MRPL39: variants seen among roughly 807,000 people sequenced by gnomAD.
The protein encoded by MRPL39 is mitochondrial ribosomal protein L39.
MRPL39 carries 35 observed loss-of-function variants against 44.5 expected under a neutral mutation model. That is an observed-to-expected ratio of 0.79 (90% confidence interval 0.60 to 1.04). The LOEUF (loss-of-function observed/expected upper bound fraction) is 1.04. MRPL39 is among the 50% of genes least tolerant of loss of function. The probability of loss-of-function intolerance (pLI) is 0.00; values close to 1 mark genes in which losing one functional copy is unlikely to be tolerated. For missense variants in MRPL39, 433 were observed against 413.5 expected, an observed-to-expected ratio of 1.05 and a Z score of -0.41; for synonymous variants, 139 against 136.1, an observed-to-expected ratio of 1.02 and a Z score of -0.15.
Position 25,588,800 on chromosome 21 carries a change from T to C in MRPL39, c.969+35A>G, listed in dbSNP as rs775223753. ...TGGTTAATTTTGATGAATTTCTTTA[T>C]AGAAGAGTACTCAATAGCTGTCAAA... On this transcript the variant is annotated intron_variant, in intron 9 of 9. Coordinates refer to ENST00000352957, the MANE Select transcript of MRPL39 (RefSeq NM_017446.4). The C allele has an allele frequency of 2.6e-6, 4 of 1,565,024 alleles. No individual in the cohort carries two copies. The East Asian group carries it at 9.0e-5, about 35-fold the overall frequency.
At chr21:25,593,025 A>G (rs1025090633) in intron 7 of MRPL39, 60 bp from the exon 8 acceptor site, 2 of 1,411,226 alleles carry the variant, frequency 1.4e-6, no homozygotes, top group South Asian at 2.8e-5. Flanking sequence ...TAAGAGCTTG[A>G]AAAAGAAATC....
At chr21:25,607,614 G>T, upstream of MRPL39, 2 of 820,016 alleles carry the variant, frequency 2.4e-6, no homozygotes, top group Non-Finnish European at 3.8e-6. Flanking sequence ...GGGGCGTCAG[G>T]CCTCGCTGGG....
intron 4 of MRPL39, 63 bp downstream of exon 4, chr21:25,601,305 C>T (rs991444214): frequency 1.8e-5 from 19 of 1,060,236 alleles, no homozygotes; most frequent in South Asian, 3.0e-5. Flanking sequence ...AAACTCTATA[C>T]GTCATCAAAA....
intron 4 of MRPL39, 85 bp from the exon 5 acceptor site, chr21:25,599,951 A>G: frequency 9.8e-7 from 1 of 1,019,590 alleles, no homozygotes; most frequent in South Asian, 1.3e-5. Flanking sequence ...TATTTAGACC[A>G]TAAAAAGGAT....
At chr21:25,602,034 C>T (rs1323457797) in intron 3 of MRPL39, among the ~76,000 whole-genome samples, 2 of 152,162 alleles carry the variant, frequency 1.3e-5, no homozygotes, top group Non-Finnish European at 2.9e-5. Flanking sequence ...TGATCAGTCA[C>T]AAGGAGAAAC....
chr21:25,595,635 C>G (rs145862336), intron 6 of MRPL39, among the ~76,000 whole-genome samples: 1 of 152,248 alleles, frequency 6.6e-6, no homozygotes, highest in African/African-American at 2.4e-5. Flanking sequence ...AAACACATAC[C>G]AGGTTCTGAA....
rs1336149679 is a variant in MRPL39, at chr21:25,606,549, G to C, written c.180C>G (p.Pro60=). The C allele has an allele frequency of 6.2e-7, 1 of 1,613,712 alleles. No homozygotes were observed. Among genetic ancestry groups the C allele is most frequent in the Non-Finnish European group, 8.5e-7 (1 of 1,179,772 alleles). Residue 60 remains proline (P), a synonymous_variant, in exon 2 of 10, where the codon CCC becomes CCG. Coordinates refer to ENST00000352957, the MANE Select transcript of MRPL39 (RefSeq NM_017446.4). ...GCTTAACTTCTATCTTCTCAGTTCGGGGAGTTAATGATAACTGCCTGGCTT... is the reference window on the plus strand; with the variant it reads ...GCTTAACTTCTATCTTCTCAGTTCGCGGAGTTAATGATAACTGCCTGGCTT... ...KEKARQLSLT[P]RTEKIEVKHV...
chr21:25,590,572 T>A (rs1402302075), intron 8 of MRPL39, among the ~76,000 whole-genome samples: 1 of 152,018 alleles, frequency 6.6e-6, no homozygotes, highest in African/African-American at 2.4e-5. Context: ...TGGAGAAAAG[T>A]CAAAGTCAAA....
At chr21:25,597,677 T>C (rs957807377) in intron 5 of MRPL39, among the ~76,000 whole-genome samples, 5 of 152,154 alleles carry the variant, frequency 3.3e-5, no homozygotes, top group African/African-American at 1.2e-4. Flanking sequence ...AGAAATTTTA[T>C]CCAAATTATA....
At chr21:25,601,336 G>T in intron 4 of MRPL39, 32 bp downstream of exon 4, 1 of 1,370,170 alleles carries the variant, frequency 7.3e-7, no homozygotes, top group Non-Finnish European at 9.9e-7. Context: ...AAATATTTAA[G>T]GATCACAAAA....
intron 9 of MRPL39, among the ~76,000 whole-genome samples, chr21:25,588,016 A>C (rs2031054281): frequency 6.6e-6 from 1 of 152,222 alleles, no homozygotes; most frequent in Non-Finnish European, 1.5e-5. Context: ...GTGGTCAAGA[A>C]ATACAATCAC....
At chr21:25,591,288 T>C (rs2123228906) in intron 8 of MRPL39, among the ~76,000 whole-genome samples, 1 of 152,154 alleles carries the variant, frequency 6.6e-6, no homozygotes, top group South Asian at 2.1e-4. Flanking sequence ...AAAAATGTTA[T>C]CAAATTTTAA....
Position 25,585,657 on chromosome 21 carries a change from TA to T in MRPL39, c.*49del, listed in dbSNP as rs1568858376. The T allele has an allele frequency of 1.5e-5, 15 of 1,018,326 alleles. No individual in the cohort carries two copies. Among genetic ancestry groups the T allele is most frequent in the Non-Finnish European group, 2.0e-5 (14 of 703,494 alleles). The allele number at this position is 1,018,326 out of a possible 1,614,324, so 63.1% of individuals were successfully genotyped here. A position where few individuals can be genotyped will look rare whatever the true frequency, so the allele number is the denominator to read the frequency against. On this transcript the variant is annotated 3_prime_UTR_variant, in exon 10 of 10. Coordinates refer to ENST00000352957, the MANE Select transcript of MRPL39 (RefSeq NM_017446.4). ...AATCTGTATAAGCACACACAAACATTATATTTAAAACATTTATTTTATTATA... is the reference window on the plus strand; with the variant it reads ...AATCTGTATAAGCACACACAAACATTTATTTAAAACATTTATTTTATTATA...
chr21:25,594,249 C>CT (rs34629790), intron 6 of MRPL39, among the ~76,000 whole-genome samples: 13,927 of 53,848 alleles, frequency 0.26, 1,114 homozygotes, highest in South Asian at 0.4. Context: ...TTTCTTTGTT[C>CT]TTTTTTTTTT....
In MRPL39 at chr21:25,606,472, G is replaced by A. The variant is rs1360555580; in HGVS notation, c.257C>T (p.Ser86Leu). The change falls in exon 2 of 10, where the codon TCA becomes TTA. Residue 86 changes from serine to leucine, a missense_variant. Ser to Leu is a moderately radical substitution (Grantham distance 145). Coordinates refer to ENST00000352957, the MANE Select transcript of MRPL39 (RefSeq NM_017446.4). ...GTVFVMNKNI[S>L]TPYSCAMHLS... is the part of the protein sequence containing the mutation. ...ACGCATGGCACAACTGTAGGGAGTT[G>A]AAATGTTTTTATTCATCACGAAGAC... The A allele has an allele frequency of 6.2e-7, 1 of 1,610,928 alleles. No homozygotes were observed. The highest frequency in any genetic ancestry group is 8.5e-7 in the Non-Finnish European group (1 of 1,178,470).
chr21:25,598,159 T>C (rs960394713), intron 5 of MRPL39, among the ~76,000 whole-genome samples: 4 of 152,108 alleles, frequency 2.6e-5, no homozygotes, highest in Non-Finnish European at 5.9e-5. Context: ...TAATTTACTG[T>C]ATAAAAAAAT....
At chr21:25,585,898 G>A in intron 9 of MRPL39, 144 bp from the exon 10 acceptor site, 1 of 611,164 alleles carries the variant, frequency 1.6e-6, no homozygotes. Flanking sequence ...TAGGTAAGAA[G>A]AAAGATTTAA....
At chr21:25,601,761 T>C (rs2031532295) in intron 3 of MRPL39, among the ~76,000 whole-genome samples, 1 of 152,240 alleles carries the variant, frequency 6.6e-6, no homozygotes, top group Non-Finnish European at 1.5e-5. Flanking sequence ...AAGTATTTAT[T>C]TTTAACCCAC....
At chr21:25,607,574 C>T (rs1054123294), upstream of MRPL39, 10 of 1,258,954 alleles carry the variant, frequency 7.9e-6, no homozygotes, top group African/African-American at 1.5e-4. Flanking sequence ...CTGTTCCGGA[C>T]CCAGCACTCA....
Sources: gnomAD v4.1 joint callset for allele counts (sites outside exome capture counted in the v4.1 genomes callset) on GRCh38, gnomAD v4.1.1 for gene constraint, MANE v1.5 for transcripts, NCBI Gene and HGNC (gene_info 2026-07-23, HGNC 2026-07-21) for gene names.